WDR27: variants seen among roughly 807,000 people sequenced by gnomAD.
The protein encoded by WDR27 is WD repeat domain 27.
Under a neutral mutation model 114.4 loss-of-function variants are expected in WDR27, and 100 were observed. The observed-to-expected ratio is 0.87, with a 90% CI of 0.74 to 1.03. The LOEUF is 1.03. Among genes scored for constraint, WDR27 ranks in the 50% least tolerant of loss-of-function variants. WDR27 has a pLI of 0.00. For missense variants in WDR27, 1,129 were observed against 1,092.9 expected (o/e 1.03, Z -0.47); for synonymous variants, 449 against 423.1 (o/e 1.06, Z -0.75).
intron 21 of WDR27, among the ~76,000 whole-genome samples, chr6:169,626,177 G>A (rs73790069): frequency 0.09 from 13,664 of 152,206 alleles, 922 homozygotes; most frequent in South Asian, 0.28. Context: ...AGACAAGCCC[G>A]CGGGGACAGC....
At chr6:169,448,824 G>T in the WDR27 span, among the ~76,000 whole-genome samples, 1 of 152,220 alleles carries the variant, frequency 6.6e-6, no homozygotes, top group Non-Finnish European at 1.5e-5. Context: ...TTGTCCCACA[G>T]TGAGGAGACA....
chr6:169,435,812 A>G, the WDR27 span, among the ~76,000 whole-genome samples: 205 of 152,282 alleles, frequency 1.3e-3, 3 homozygotes, highest in East Asian at 0.032. Context: ...ATGAGTTAAG[A>G]TTTTGAGGGA....
chr6:169,512,352 T>A (rs894453755), intron 25 of WDR27, among the ~76,000 whole-genome samples: 6 of 152,182 alleles, frequency 3.9e-5, no homozygotes, highest in Admixed American at 2.0e-4. Flanking sequence ...TATGTCTAAG[T>A]GTAATTTAAG....
chr6:169,586,748 C>T (rs1040756819), intron 23 of WDR27, among the ~76,000 whole-genome samples: 5 of 144,486 alleles, frequency 3.5e-5, no homozygotes, highest in African/African-American at 1.3e-4. Context: ...ACTCAGGAGG[C>T]TGAGGCAGGA....
chr6:169,526,975 T>C (rs1002943678), intron 25 of WDR27, among the ~76,000 whole-genome samples: 2 of 152,230 alleles, frequency 1.3e-5, no homozygotes, highest in Non-Finnish European at 2.9e-5. Context: ...TGAATAGTTA[T>C]ACTTTTTTAA....
chr6:169,598,673 C>T (rs997506083), intron 23 of WDR27, among the ~76,000 whole-genome samples: 1 of 152,154 alleles, frequency 6.6e-6, no homozygotes, highest in African/African-American at 2.4e-5. Context: ...GACGCAGAGG[C>T]CAGCATGACG....
intron 21 of WDR27, among the ~76,000 whole-genome samples, chr6:169,629,004 C>T (rs1387902898): frequency 4.6e-5 from 7 of 152,196 alleles, no homozygotes; most frequent in Admixed American, 3.3e-4. Flanking sequence ...GATTTACATA[C>T]ATTTAACCCT....
intron 25 of WDR27, among the ~76,000 whole-genome samples, chr6:169,528,889 C>T (rs1479952499): frequency 2.0e-5 from 3 of 152,144 alleles, no homozygotes; most frequent in Non-Finnish European, 2.9e-5. Flanking sequence ...AGAAGATACA[C>T]ATGTTGGCCC....
At chr6:169,637,529 A>ATG (rs906819568) in intron 18 of WDR27, among the ~76,000 whole-genome samples, 1 of 141,242 alleles carries the variant, frequency 7.1e-6, no homozygotes, top group Non-Finnish European at 1.5e-5. Context: ...ATGCATCTAC[A>ATG]TGTGTGTGTG....
intron 3 of WDR27, 159 bp downstream of exon 3, chr6:169,672,096 A>G (rs774486569): frequency 1.8e-4 from 118 of 652,028 alleles, no homozygotes; most frequent in Non-Finnish European, 2.6e-4. Context: ...GCCTGCTTGC[A>G]TGCCTGGGTT....
At chr6:169,583,577 A>G (rs1331344762) in intron 23 of WDR27, among the ~76,000 whole-genome samples, 1 of 150,190 alleles carries the variant, frequency 6.7e-6, no homozygotes, top group Admixed American at 6.6e-5. Flanking sequence ...TTGCCATCAA[A>G]TAGTTTATTT....
the WDR27 span, among the ~76,000 whole-genome samples, chr6:169,430,783 G>A: frequency 4.3e-4 from 65 of 152,316 alleles, no homozygotes; most frequent in African/African-American, 1.5e-3. Context: ...ATCTTTTCTT[G>A]TTAGAATTGT....
chr6:169,695,949 T>C (rs1785818809), intron 1 of WDR27, among the ~76,000 whole-genome samples: 1 of 152,078 alleles, frequency 6.6e-6, no homozygotes, highest in South Asian at 2.1e-4. Context: ...CCCTAGAAGC[T>C]GGAAAAGGCA....
intron 25 of WDR27, among the ~76,000 whole-genome samples, chr6:169,508,974 T>G (rs1459165022): frequency 6.6e-6 from 1 of 152,150 alleles, no homozygotes; most frequent in Non-Finnish European, 1.5e-5. Context: ...ATCGTTGTTG[T>G]TGAGCTCAGG....
chr6:169,689,228 C>G (rs1783841680), intron 1 of WDR27: 1 of 412,832 alleles, frequency 2.4e-6, no homozygotes, highest in Non-Finnish European at 4.3e-6. Context: ...CACGGGCTTT[C>G]CAGTTAAGCA....
At chr6:169,603,948 T>C (rs1808586611) in intron 22 of WDR27, among the ~76,000 whole-genome samples, 1 of 152,184 alleles carries the variant, frequency 6.6e-6, no homozygotes, top group African/African-American at 2.4e-5. Flanking sequence ...GCCTGTATGA[T>C]ACAGTAAAAG....
intron 25 of WDR27, among the ~76,000 whole-genome samples, chr6:169,506,112 G>A (rs1791970912): frequency 6.6e-6 from 1 of 152,206 alleles, no homozygotes; most frequent in Non-Finnish European, 1.5e-5. Context: ...CAATTGTGCA[G>A]TATTTCATCT....
intron 2 of WDR27, among the ~76,000 whole-genome samples, chr6:169,677,929 C>T (rs1229386959): frequency 6.6e-6 from 1 of 152,250 alleles, no homozygotes; most frequent in Non-Finnish European, 1.5e-5. Flanking sequence ...GTAAAGGAGG[C>T]TTAGCAGCCT....
intron 2 of WDR27, among the ~76,000 whole-genome samples, chr6:169,682,244 GTCTCAGT>G (rs1781728366): frequency 6.6e-6 from 1 of 152,194 alleles, no homozygotes; most frequent in Non-Finnish European, 1.5e-5. Context: ...AAGGGACCCA[GTCTCAGT>G]TCTGGCCCCT....
Sources: allele counts gnomAD v4.1 joint callset (sites outside exome capture counted in the v4.1 genomes callset), GRCh38; gene constraint gnomAD v4.1.1; transcripts MANE v1.5; gene names NCBI Gene and HGNC (gene_info 2026-07-23, HGNC 2026-07-21).